Variants in NDUFB9 observed in about 807,000 individuals in gnomAD.
The protein encoded by NDUFB9 is NADH:ubiquinone oxidoreductase subunit B9.
NDUFB9 carries 24 observed loss-of-function variants against 30.2 expected under a neutral mutation model. That is an observed-to-expected ratio of 0.80 (90% confidence interval 0.58 to 1.12). The LOEUF is 1.12. Among genes scored for constraint, NDUFB9 ranks in the 50% most tolerant of loss-of-function variants. The pLI is 0.00. For synonymous variants in NDUFB9, 80 were observed against 84.0 expected, an observed-to-expected ratio of 0.95 and a Z score of 0.26; for missense variants, 204 against 226.0, an observed-to-expected ratio of 0.90 and a Z score of 0.62.
chr8:124,540,385 G>T (rs998132908), intron 1 of NDUFB9, among the ~76,000 whole-genome samples: 1 of 152,148 alleles, frequency 6.6e-6, no homozygotes, highest in Non-Finnish European at 1.5e-5. Context: ...TGGGGAAAAT[G>T]GACATGTAAA....
rs368353314 is a variant in NDUFB9, at chr8:124,543,298, G to A, written c.294+19G>A. 11 of 1,605,260 alleles carry A rather than the reference G, an allele frequency of 6.9e-6. No homozygotes were observed. The highest frequency in any genetic ancestry group is 1.6e-4 in the Middle Eastern group (1 of 6,078). On this transcript the variant is annotated intron_variant, in intron 2 of 3. Transcript: ENST00000276689. Reference sequence around the variant, plus strand: ...CTACAAGGTAGGTGAGAATTATGATGACTGCCTTCTGAGAAATAGACTTTG... The same window carrying A: ...CTACAAGGTAGGTGAGAATTATGATAACTGCCTTCTGAGAAATAGACTTTG...
At chr8:124,541,305 A>G (rs963207490) in intron 1 of NDUFB9, among the ~76,000 whole-genome samples, 11 of 152,212 alleles carry the variant, frequency 7.2e-5, no homozygotes, top group Admixed American at 2.0e-4. Context: ...TGCCTCCGCT[A>G]ATGGTATTAT....
chr8:124,539,234 G>T lies in NDUFB9; in HGVS notation c.48G>T (p.Val16=). 1 of 1,614,238 alleles carries T rather than the reference G, an allele frequency of 6.2e-7. No homozygotes were observed. ...CCTACCTGACCCATCAGCAAAAGGT[G>T]TTGCGGCTTTATAAGCGGGCGCTAC... ...SGPYLTHQQK[V]LRLYKRALRH... The change falls in exon 1 of 4, where the codon GTG becomes GTT. Residue 16 remains valine (V), a synonymous_variant. Transcript: ENST00000276689.
intron 3 of NDUFB9, 64 bp downstream of exon 3, chr8:124,547,177 C>G: frequency 1.6e-6 from 2 of 1,223,524 alleles, no homozygotes; most frequent in East Asian, 2.3e-5. Context: ...TTGCTCCCCA[C>G]AAGCAGAGGT....
chr8:124,544,561 C>T (rs1822109617), intron 2 of NDUFB9, among the ~76,000 whole-genome samples: 1 of 152,156 alleles, frequency 6.6e-6, no homozygotes, highest in Non-Finnish European at 1.5e-5. Flanking sequence ...AAGTTGAAGC[C>T]ATTGTTCATT....
In NDUFB9 at chr8:124,546,326, A is replaced by G. The variant is rs560908910; in HGVS notation, c.295-674A>G. Among the ~76,000 whole-genome samples, 26 of 152,358 alleles carry G rather than the reference A, an allele frequency of 1.7e-4. No individual in the cohort carries two copies. In the South Asian group the frequency reaches 3.9e-3, roughly 23 times the overall value. ...AAAGTCCTTTGTTATCAGTTAATCAATATTCACAAAATCTTCACCAGGAGG... is the reference window on the plus strand; with the variant it reads ...AAAGTCCTTTGTTATCAGTTAATCAGTATTCACAAAATCTTCACCAGGAGG... On this transcript the variant is annotated intron_variant, in intron 2 of 3. Transcript: ENST00000276689.
chr8:124,542,339 A>G (rs762968876), intron 1 of NDUFB9, among the ~76,000 whole-genome samples: 12 of 152,224 alleles, frequency 7.9e-5, no homozygotes, highest in Non-Finnish European at 1.3e-4. Context: ...GGTGTGAGCC[A>G]CCGCACCTGA....
intron 3 of NDUFB9, 87 bp from the exon 4 acceptor site, chr8:124,549,674 C>A: frequency 7.9e-7 from 1 of 1,263,970 alleles, no homozygotes; most frequent in Non-Finnish European, 1.2e-6. Flanking sequence ...ACACCATAGA[C>A]ATAAAGCTGA....
intron 3 of NDUFB9, chr8:124,547,567 A>G: frequency 2.9e-6 from 1 of 348,688 alleles, no homozygotes; most frequent in East Asian, 6.4e-5. Context: ...AAAGGTTGTC[A>G]TGACTAACAC....
intron 2 of NDUFB9, among the ~76,000 whole-genome samples, chr8:124,545,864 G>T (rs897122713): frequency 8.0e-5 from 12 of 150,038 alleles, no homozygotes; most frequent in African/African-American, 2.9e-4. Flanking sequence ...TTTTTTTGGT[G>T]GAGGGGGACA....
At chr8:124,542,452 G>C (rs1299777706) in intron 1 of NDUFB9, among the ~76,000 whole-genome samples, 1 of 152,190 alleles carries the variant, frequency 6.6e-6, no homozygotes, top group Non-Finnish European at 1.5e-5. Context: ...TAACTTGGAA[G>C]TCTCAATGTC....
At chr8:124,547,526 C>T in intron 3 of NDUFB9, 2 of 469,686 alleles carry the variant, frequency 4.3e-6, no homozygotes, top group East Asian at 3.9e-5. Flanking sequence ...AGCAGAGAGA[C>T]CCTTCTAGGA....
chr8:124,540,563 G>C (rs1216304226), intron 1 of NDUFB9, among the ~76,000 whole-genome samples: 2 of 152,006 alleles, frequency 1.3e-5, no homozygotes, highest in African/African-American at 4.8e-5. Context: ...ATAATTATGT[G>C]TCAAAAAAAG....
At chr8:124,549,680 G>A in intron 3 of NDUFB9, 81 bp from the exon 4 acceptor site, 1 of 1,347,976 alleles carries the variant, frequency 7.4e-7, no homozygotes, top group South Asian at 1.2e-5. Context: ...TAGACATAAA[G>A]CTGACCCTTC....
In NDUFB9 at chr8:124,543,218, A is replaced by G; in HGVS notation, c.233A>G (p.Gln78Arg). Reference sequence around the variant, plus strand: ...GAATTCTGGTACCGTCAGCATCCACAGCCATACATCTTCCCTGACTCTCCT... The same window carrying G: ...GAATTCTGGTACCGTCAGCATCCACGGCCATACATCTTCCCTGACTCTCCT... ...EEEFWYRQHP[Q>R]PYIFPDSPGG... is the part of the protein sequence containing the mutation. Residue 78 changes from glutamine (Q) to arginine (R), a missense_variant, in exon 2 of 4, where the codon CAG (glutamine) becomes CGG (arginine). Physicochemically the swap from Gln to Arg is conservative, Grantham distance 43 (BLOSUM62 1). Transcript: ENST00000276689. The G allele has an allele frequency of 4.3e-6, 7 of 1,614,214 alleles. No homozygotes were observed. The highest frequency in any genetic ancestry group is 5.9e-6 in the Non-Finnish European group (7 of 1,180,032).
chr8:124,543,412 G>C (rs1822075549), intron 2 of NDUFB9, 133 bp downstream of exon 2: 3 of 853,962 alleles, frequency 3.5e-6, no homozygotes, highest in Non-Finnish European at 5.6e-6. Context: ...GTCAGATGCA[G>C]GCCTACCTCA....
At chr8:124,543,064 C>T (rs1427898354) in intron 1 of NDUFB9, 23 bp from the exon 2 acceptor site, 4 of 1,611,800 alleles carry the variant, frequency 2.5e-6, no homozygotes, top group Non-Finnish European at 3.4e-6. Context: ...CATTTCTAAT[C>T]TTCAAAATCA....
At chr8:124,543,331 A>G (rs778816450) in intron 2 of NDUFB9, 52 bp downstream of exon 2, 1 of 1,557,778 alleles carries the variant, frequency 6.4e-7, no homozygotes, top group Admixed American at 1.7e-5. Flanking sequence ...TTGTTTCTTC[A>G]GTCCCACACC....
chr8:124,549,705 A>G, intron 3 of NDUFB9, 56 bp from the exon 4 acceptor site: 1 of 1,567,634 alleles, frequency 6.4e-7, no homozygotes, highest in Non-Finnish European at 8.8e-7. Flanking sequence ...CAGCAGACAG[A>G]TTTTTATAGT....
Sources: allele counts gnomAD v4.1 joint callset (sites outside exome capture counted in the v4.1 genomes callset), GRCh38; gene constraint gnomAD v4.1.1; transcripts MANE v1.5; gene names NCBI Gene and HGNC (gene_info 2026-07-23, HGNC 2026-07-21).